TRAP1: variants seen among roughly 807,000 people sequenced by gnomAD.
The protein encoded by TRAP1 is TNF receptor associated protein 1, also known as heat shock protein 75 kDa, mitochondrial.
Under a neutral mutation model 89.1 loss-of-function variants are expected in TRAP1, and 102 were observed. The ratio of observed to expected loss-of-function variants is 1.15; its 90% CI spans 0.98 to 1.35. TRAP1 has a LOEUF of 1.35. Ranked by LOEUF, TRAP1 falls within the 40% of genes most tolerant of loss-of-function variation. The pLI, the probability that TRAP1 is intolerant of heterozygous loss-of-function variation, is 0.00. For synonymous variants in TRAP1, 508 were observed against 388.0 expected, an observed-to-expected ratio of 1.31 and a Z score of -3.64; for missense variants, 1,256 against 945.3, an observed-to-expected ratio of 1.33 and a Z score of -4.31.
At chr16:3,672,631 G>C (rs901910680) in intron 10 of TRAP1, 69 bp downstream of exon 10, 1 of 1,523,144 alleles carries the variant, frequency 6.6e-7, no homozygotes, top group South Asian at 1.3e-5. Context: ...GAATCAGCAC[G>C]GTCCCTCACA....
At chr16:3,712,275 G>C (rs900968999) in intron 1 of TRAP1, among the ~76,000 whole-genome samples, 2 of 33,694 alleles carry the variant, frequency 5.9e-5, no homozygotes, top group Non-Finnish European at 1.1e-4. Flanking sequence ...GCGACAGAAA[G>C]AATCTGTCTC....
rs149755526 is a variant in TRAP1 at position 3,696,624 on chromosome 16, C to G, written c.89-5639G>C. On this transcript the variant is annotated intron_variant, in intron 1 of 17. Transcript: ENST00000246957. Reference sequence around the variant, plus strand: ...AGGCTGGATCACAATGGCACAATCACAGCTCACTGCAGCCTCGACCTTCCC... The same window carrying G: ...AGGCTGGATCACAATGGCACAATCAGAGCTCACTGCAGCCTCGACCTTCCC... Among the ~76,000 whole-genome samples the G allele has an allele frequency of 5.0e-3, 756 of 151,996 alleles. 7 individuals carry two copies. The highest frequency in any genetic ancestry group is 0.017 in the African/African-American group (716 of 41,456).
intron 4 of TRAP1, 23 bp downstream of exon 4, chr16:3,685,973 C>T (rs368293190): frequency 1.7e-5 from 27 of 1,611,178 alleles, no homozygotes; most frequent in Admixed American, 3.3e-5. Flanking sequence ...GCCTGCCACA[C>T]GCCTGGACAC....
At chr16:3,672,652 G>T in intron 10 of TRAP1, 48 bp downstream of exon 10, 1 of 1,570,710 alleles carries the variant, frequency 6.4e-7, no homozygotes, top group South Asian at 1.2e-5. Context: ...GATGCAGCGG[G>T]CGACACTGGG....
At chr16:3,711,407 T>C (rs1596759874) in intron 1 of TRAP1, among the ~76,000 whole-genome samples, 1 of 151,978 alleles carries the variant, frequency 6.6e-6, no homozygotes, top group African/African-American at 2.4e-5. Context: ...AAGACCAGCC[T>C]GGCCAACATG....
intron 1 of TRAP1, among the ~76,000 whole-genome samples, chr16:3,693,432 G>T (rs2051243784): frequency 6.6e-6 from 1 of 151,728 alleles, no homozygotes; most frequent in Admixed American, 6.6e-5. Flanking sequence ...GGAATTAAAT[G>T]GTATTTGGCA....
At chr16:3,707,624 T>G (rs552477628) in intron 1 of TRAP1, among the ~76,000 whole-genome samples, 30 of 148,706 alleles carry the variant, frequency 2.0e-4, no homozygotes, top group African/African-American at 6.9e-4. Flanking sequence ...GAGGCTGAGG[T>G]GGGTGGATCG....
At chr16:3,665,187 TGAAGAGGCCTGTGTCA>T (rs1489535048) in intron 12 of TRAP1, 1 of 152,160 alleles carries the variant, frequency 6.6e-6, no homozygotes, top group African/African-American at 2.4e-5. Context: ...TAAAGGAGAA[TGAAGAGGCCTGTGTCA>T]GAAGCTGCCG....
At position 3,667,617 on chromosome 16, in the gene TRAP1, T is replaced by TC. The variant is rs996505579; in HGVS notation, c.1236-1500dup. Among the ~76,000 whole-genome samples, 33 of 149,232 alleles carry TC rather than the reference T, an allele frequency of 2.2e-4. 1 individual carries two copies. Among genetic ancestry groups the TC allele is most frequent in the African/African-American group, 8.2e-4 (33 of 40,460 alleles). The stretch of plus-strand genomic sequence containing the variant: ...TCCAGCCTGAGCAACAGAGTAAGAC[T>TC]CCATCTCAAAAATAAATAAATAAAT... On this transcript the variant is annotated intron_variant, in intron 11 of 17. Transcript: ENST00000246957.
chr16:3,704,600 C>T (rs539471285), intron 1 of TRAP1, among the ~76,000 whole-genome samples: 1 of 152,310 alleles, frequency 6.6e-6, no homozygotes, highest in African/African-American at 2.4e-5. Flanking sequence ...AATCCCAGCA[C>T]TTTGGGAGGG....
intron 17 of TRAP1, 35 bp from the exon 18 acceptor site, chr16:3,658,265 C>G (rs1228979643): frequency 6.7e-7 from 1 of 1,494,144 alleles, no homozygotes. Flanking sequence ...TTATGAGGGG[C>G]ATGGGGCACC....
intron 1 of TRAP1, among the ~76,000 whole-genome samples, chr16:3,713,946 C>T (rs1457014576): frequency 7.2e-5 from 11 of 152,220 alleles, no homozygotes; most frequent in Admixed American, 7.2e-4. Context: ...AAGCTTATAT[C>T]TGACAGAAAA....
rs551266013 is a variant in TRAP1 at position 3,671,580 on chromosome 16, G to A, written c.1235+142C>T. Reference sequence around the variant, plus strand: ...CCAGGCCAGCACCTGGAAGGCTCCTGAGGGCCCCCATGTGCAGGCCGGGCT... The same window carrying A: ...CCAGGCCAGCACCTGGAAGGCTCCTAAGGGCCCCCATGTGCAGGCCGGGCT... On this transcript the variant is annotated intron_variant, in intron 11 of 17. Transcript: ENST00000246957. 2.1e-5 allele frequency: 17 copies of A among 805,938 alleles called. No homozygotes were observed. In the South Asian group the frequency reaches 2.7e-4, roughly 13 times the overall value. The allele number at this position is 805,938 out of a possible 1,614,324, so 49.9% of individuals were successfully genotyped here.
At chr16:3,670,157 C>T (rs1167441921) in intron 11 of TRAP1, among the ~76,000 whole-genome samples, 5 of 148,708 alleles carry the variant, frequency 3.4e-5, no homozygotes, top group Admixed American at 6.7e-5. Flanking sequence ...CCAAGGCAGG[C>T]GGATCACGAA....
chr16:3,663,354 C>T (rs924184933), intron 14 of TRAP1, 70 bp downstream of exon 14: 19 of 1,587,656 alleles, frequency 1.2e-5, no homozygotes, highest in African/African-American at 1.1e-4. Context: ...AGGAAGCCCT[C>T]GCTGCGGGGC....
Position 3,712,912 on chromosome 16 carries a change from G to A in TRAP1, c.88+4509C>T, listed in dbSNP as rs150002220. Among the ~76,000 whole-genome samples, 1,178 of 152,222 alleles carry A rather than the reference G, an allele frequency of 7.7e-3. 10 individuals are homozygous for A. The highest frequency in any genetic ancestry group is 0.011 in the Non-Finnish European group (733 of 68,016). On this transcript the variant is annotated intron_variant, in intron 1 of 17. Transcript: ENST00000246957. ...ATTACAGACGAGAGCCACCGCGCCC[G>A]GCCTGATGTGTTCTTTTTCAGGCAC... is the stretch of plus-strand genomic sequence containing the variant.
chr16:3,701,519 CCA>C (rs1258263080), intron 1 of TRAP1, among the ~76,000 whole-genome samples: 2 of 148,940 alleles, frequency 1.3e-5, no homozygotes, highest in African/African-American at 5.0e-5. Context: ...CCCCTGCACT[CCA>C]GTCTGGGTGA....
At chr16:3,716,188 G>C (rs1402882815) in intron 1 of TRAP1, among the ~76,000 whole-genome samples, 6 of 152,190 alleles carry the variant, frequency 3.9e-5, no homozygotes, top group Non-Finnish European at 8.8e-5. Context: ...GTTTTGAAAA[G>C]ACATAAGATT....
intron 1 of TRAP1, among the ~76,000 whole-genome samples, chr16:3,713,670 T>G (rs1176826026): frequency 6.6e-6 from 1 of 152,236 alleles, no homozygotes; most frequent in Non-Finnish European, 1.5e-5. Context: ...CACCTCGTCA[T>G]GCAAAATGAC....
Sources: gnomAD v4.1 joint callset for allele counts (sites outside exome capture counted in the v4.1 genomes callset) on GRCh38, gnomAD v4.1.1 for gene constraint, MANE v1.5 for transcripts, NCBI Gene and HGNC (gene_info 2026-07-23, HGNC 2026-07-21) for gene names.